SGCZ: variants seen among roughly 807,000 people sequenced by gnomAD.
SGCZ encodes the protein sarcoglycan zeta, also known as zeta-sarcoglycan.
In SGCZ, 40 loss-of-function variants were observed where a neutral mutation model predicts 41.3. The observed-to-expected ratio is 0.97, with a 90% CI of 0.75 to 1.26. The LOEUF (loss-of-function observed/expected upper bound fraction) is 1.26, where lower values mean the gene tolerates loss of function less well. SGCZ is among the 50% of genes most tolerant of loss of function. SGCZ has a pLI of 0.00. For synonymous variants in SGCZ, 206 were observed against 137.5 expected, an observed-to-expected ratio of 1.50 and a Z score of -3.49; for missense variants, 552 against 369.8, an observed-to-expected ratio of 1.49 and a Z score of -4.04.
intron 4 of SGCZ, among the ~76,000 whole-genome samples, chr8:14,214,260 A>G (rs1207131312): frequency 6.6e-6 from 1 of 152,182 alleles, no homozygotes; most frequent in East Asian, 1.9e-4. Flanking sequence ...AGTAATTCTC[A>G]AAACTGTCAA....
chr8:14,503,307 G>A (rs1802208364), intron 2 of SGCZ, among the ~76,000 whole-genome samples: 1 of 152,046 alleles, frequency 6.6e-6, no homozygotes, highest in Non-Finnish European at 1.5e-5. Flanking sequence ...GGGATGGGGG[G>A]CAAGGGGAGG....
intron 1 of SGCZ, among the ~76,000 whole-genome samples, chr8:14,570,425 T>G (rs1804515359): frequency 6.6e-6 from 1 of 152,208 alleles, no homozygotes. Context: ...TCACACTAAG[T>G]ATATTTGTTC....
intron 1 of SGCZ, among the ~76,000 whole-genome samples, chr8:14,645,470 A>ATCTATATT (rs1807177161): frequency 9.0e-6 from 1 of 111,604 alleles, no homozygotes; most frequent in African/African-American, 2.9e-5. Flanking sequence ...TTGATTATAT[A>ATCTATATT]TATATATTTA....
chr8:14,141,645 T>A (rs928606264), intron 5 of SGCZ, among the ~76,000 whole-genome samples: 5 of 152,106 alleles, frequency 3.3e-5, no homozygotes, highest in African/African-American at 4.8e-5. Flanking sequence ...AGAATGGCGA[T>A]CATTAAAAAG....
At chr8:14,362,253 C>G (rs1008815068) in intron 2 of SGCZ, among the ~76,000 whole-genome samples, 1 of 152,168 alleles carries the variant, frequency 6.6e-6, no homozygotes, top group Non-Finnish European at 1.5e-5. Context: ...TCTGCAGAAG[C>G]CTTTTGTTCA....
intron 1 of SGCZ, among the ~76,000 whole-genome samples, chr8:14,990,795 A>C (rs1801988212): frequency 6.6e-6 from 1 of 152,120 alleles, no homozygotes; most frequent in Non-Finnish European, 1.5e-5. Flanking sequence ...TCTTCCATGA[A>C]AGTTGTCCAT....
chr8:14,306,641 A>G (rs1176417688), intron 3 of SGCZ, among the ~76,000 whole-genome samples: 1 of 152,188 alleles, frequency 6.6e-6, no homozygotes, highest in East Asian at 1.9e-4. Context: ...TCACAGATAC[A>G]TGAGGAAGGC....
chr8:14,903,808 TAGAA>T (rs1401552219), intron 1 of SGCZ, among the ~76,000 whole-genome samples: 2 of 152,098 alleles, frequency 1.3e-5, no homozygotes, highest in East Asian at 3.9e-4. Flanking sequence ...TCAGAAACAT[TAGAA>T]AGAAAGGAGA....
At chr8:14,758,509 T>G (rs1371000788) in intron 1 of SGCZ, among the ~76,000 whole-genome samples, 1 of 152,132 alleles carries the variant, frequency 6.6e-6, no homozygotes, top group Admixed American at 6.6e-5. Context: ...TAATTAGAAG[T>G]TGAATCATTC....
intron 5 of SGCZ, among the ~76,000 whole-genome samples, chr8:14,120,637 T>G (rs1445104925): frequency 6.6e-6 from 1 of 152,002 alleles, no homozygotes; most frequent in African/African-American, 2.4e-5. Context: ...AATATGGTTT[T>G]CTATAGAAAA....
chr8:14,283,199 A>C (rs1476579808), intron 3 of SGCZ, among the ~76,000 whole-genome samples: 1 of 152,118 alleles, frequency 6.6e-6, no homozygotes, highest in Non-Finnish European at 1.5e-5. Flanking sequence ...TAGATTAAAA[A>C]AATACCAATC....
intron 1 of SGCZ, among the ~76,000 whole-genome samples, chr8:14,672,596 G>C (rs934941193): frequency 6.6e-6 from 1 of 152,178 alleles, no homozygotes; most frequent in Non-Finnish European, 1.5e-5. Context: ...ATAATGGTTG[G>C]AGCAGGAAGT....
intron 7 of SGCZ, among the ~76,000 whole-genome samples, chr8:14,100,102 T>C (rs929101049): frequency 2.6e-5 from 4 of 152,120 alleles, no homozygotes; most frequent in African/African-American, 9.7e-5. Flanking sequence ...TATATATTTA[T>C]ATGATTTTAT....
intron 1 of SGCZ, among the ~76,000 whole-genome samples, chr8:15,100,864 C>G (rs1806584702): frequency 2.0e-5 from 3 of 151,938 alleles, no homozygotes; most frequent in African/African-American, 7.3e-5. Context: ...TGGCGCACAC[C>G]TATGGTCCCA....
At chr8:14,223,535 A>AAG (rs1034658681) in intron 4 of SGCZ, among the ~76,000 whole-genome samples, 26 of 102,886 alleles carry the variant, frequency 2.5e-4, no homozygotes, top group Admixed American at 1.8e-3. Flanking sequence ...CATCTAGACC[A>AAG]ATATATATAT....
chr8:15,168,422 TAATTCCCTATTCGAGCAGAG>T lies in SGCZ; in HGVS notation c.39+69143_39+69162del, dbSNP rs1448998017. ...GGAAAGAGATATAGGTGAGAGCAGATAATTCCCTATTCGAGCAGAGAATTCCCTATTCTCTAGCTCCCCCC... is the reference window on the plus strand; with the variant it reads ...GGAAAGAGATATAGGTGAGAGCAGATAATTCCCTATTCTCTAGCTCCCCCC... On this transcript the variant is annotated intron_variant, in intron 1 of 7. Coordinates refer to ENST00000382080, the MANE Select transcript of SGCZ (RefSeq NM_139167.4). 3.9e-5 allele frequency among the ~76,000 whole-genome samples: 6 copies of T among 152,334 alleles called. 1 individual carries two copies. The South Asian group carries it at 6.2e-4, about 16-fold the overall frequency.
chr8:14,479,456 C>G (rs1284309606), intron 2 of SGCZ, among the ~76,000 whole-genome samples: 3 of 152,118 alleles, frequency 2.0e-5, no homozygotes, highest in African/African-American at 7.2e-5. Flanking sequence ...AGTTCACTGA[C>G]AAAGGTTAAC....
At chr8:14,555,099 T>C (rs1803994264) in intron 1 of SGCZ, among the ~76,000 whole-genome samples, 173 bp from the exon 2 acceptor site, 1 of 152,046 alleles carries the variant, frequency 6.6e-6, no homozygotes, top group African/African-American at 2.4e-5. Flanking sequence ...TTCGAATCAT[T>C]TTGTTCAATA....
intron 1 of SGCZ, among the ~76,000 whole-genome samples, chr8:15,046,198 A>G (rs1563464528): frequency 6.6e-6 from 1 of 152,072 alleles, no homozygotes; most frequent in Non-Finnish European, 1.5e-5. Context: ...TTCCAATTAA[A>G]GCCTAATATC....
Sources: gnomAD v4.1 joint callset for allele counts (sites outside exome capture counted in the v4.1 genomes callset) on GRCh38, gnomAD v4.1.1 for gene constraint, MANE v1.5 for transcripts, NCBI Gene and HGNC (gene_info 2026-07-23, HGNC 2026-07-21) for gene names.